The following OXR1 variants were observed in gnomAD, a reference collection of about 807,000 sequenced individuals.
OXR1 encodes oxidation resistance protein 1.
In OXR1, 41 loss-of-function variants were observed where a neutral mutation model predicts 104.6. That is an observed-to-expected ratio of 0.39 (90% CI 0.31 to 0.51). OXR1 has a LOEUF of 0.51. Among genes scored for constraint, OXR1 ranks in the 20% least tolerant of loss-of-function variants. The pLI is 0.77. For synonymous variants in OXR1, 348 were observed against 348.4 expected (o/e 1.00, Z 0.01); for missense variants, 955 against 1,031.9 (o/e 0.93, Z 1.02).
chr8:106,315,303 A>G (rs960476488), intron 1 of OXR1, among the ~76,000 whole-genome samples: 2 of 152,166 alleles, frequency 1.3e-5, no homozygotes, highest in African/African-American at 2.4e-5. Context: ...AACACATAGG[A>G]CAAGGCACAA....
At chr8:106,698,312 C>G (rs1341815995) in intron 7 of OXR1, among the ~76,000 whole-genome samples, 2 of 152,088 alleles carry the variant, frequency 1.3e-5, no homozygotes, top group Admixed American at 1.3e-4. Flanking sequence ...TCTTTGGTTG[C>G]ACTTAAGATG....
chr8:106,324,532 G>T (rs1440843297), intron 1 of OXR1, among the ~76,000 whole-genome samples: 20 of 141,796 alleles, frequency 1.4e-4, no homozygotes, highest in African/African-American at 5.5e-4. Flanking sequence ...AGGAAAGGAG[G>T]TTCTATACAA....
intron 6 of OXR1, among the ~76,000 whole-genome samples, chr8:106,691,273 A>C (rs1829247803): frequency 6.6e-6 from 1 of 152,008 alleles, no homozygotes; most frequent in South Asian, 2.1e-4. Context: ...GCAAGCCATC[A>C]AATGAGCTGC....
chr8:106,473,896 T>C (rs1821656237), intron 2 of OXR1, among the ~76,000 whole-genome samples: 1 of 149,340 alleles, frequency 6.7e-6, no homozygotes, highest in Admixed American at 6.7e-5. Flanking sequence ...CCCTTATCAA[T>C]GGAAGGCAGA....
At chr8:106,529,538 A>T (rs776285851) in intron 3 of OXR1, among the ~76,000 whole-genome samples, 2 of 152,216 alleles carry the variant, frequency 1.3e-5, no homozygotes, top group Non-Finnish European at 2.9e-5. Context: ...TGATATTCCT[A>T]TAAATTTGTA....
chr8:106,486,755 T>C (rs887704770), intron 2 of OXR1, among the ~76,000 whole-genome samples: 5 of 152,112 alleles, frequency 3.3e-5, no homozygotes, highest in African/African-American at 1.2e-4. Flanking sequence ...TTTCGTCTTG[T>C]CATTTGTTAT....
At chr8:106,590,487 C>G (rs1453396295) in intron 3 of OXR1, among the ~76,000 whole-genome samples, 1 of 152,186 alleles carries the variant, frequency 6.6e-6, no homozygotes, top group East Asian at 1.9e-4. Flanking sequence ...AGGGTTTCAC[C>G]ATGTTGGCCA....
At chr8:106,480,821 A>T (rs576363398) in intron 2 of OXR1, among the ~76,000 whole-genome samples, 10 of 152,114 alleles carry the variant, frequency 6.6e-5, no homozygotes, top group Middle Eastern at 3.4e-3. Flanking sequence ...GTTTGTGTGG[A>T]TCAAATTATT....
chr8:106,323,169 G>A (rs1327033126), intron 1 of OXR1, among the ~76,000 whole-genome samples: 3 of 152,286 alleles, frequency 2.0e-5, no homozygotes, highest in East Asian at 3.9e-4. Flanking sequence ...AAAACAGCGT[G>A]GTAGTGGTAC....
At chr8:106,590,705 C>T (rs1252329814) in intron 3 of OXR1, among the ~76,000 whole-genome samples, 1 of 152,218 alleles carries the variant, frequency 6.6e-6, no homozygotes, top group Admixed American at 6.5e-5. Context: ...TTGTACCAGC[C>T]TCTTCTTTCC....
intron 11 of OXR1, among the ~76,000 whole-genome samples, chr8:106,723,361 G>T (rs561467162): frequency 2.6e-5 from 4 of 151,970 alleles, no homozygotes; most frequent in African/African-American, 9.7e-5. Flanking sequence ...AGCCAGGTGT[G>T]GTGGTGGATG....
intron 1 of OXR1, among the ~76,000 whole-genome samples, chr8:106,358,879 A>G (rs34501182): frequency 0.28 from 37,480 of 132,640 alleles, 5,624 homozygotes; most frequent in South Asian, 0.36. Context: ...AATTTAGTGA[A>G]TAATTTAATT....
intron 3 of OXR1, among the ~76,000 whole-genome samples, chr8:106,615,864 A>G (rs756063070): frequency 6.6e-6 from 1 of 152,162 alleles, no homozygotes; most frequent in African/African-American, 2.4e-5. Flanking sequence ...TGTGCATAAC[A>G]TGAGAATATT....
chr8:106,346,992 G>A (rs551791237), intron 1 of OXR1, among the ~76,000 whole-genome samples: 2 of 152,320 alleles, frequency 1.3e-5, no homozygotes, highest in African/African-American at 4.8e-5. Flanking sequence ...GCAGTGAGCC[G>A]AGATCGCGCC....
At chr8:106,464,434 C>T (rs1586674708) in intron 2 of OXR1, among the ~76,000 whole-genome samples, 5 of 152,028 alleles carry the variant, frequency 3.3e-5, no homozygotes, top group Middle Eastern at 3.4e-3. Context: ...TTATTGCCCC[C>T]GTGACAATTT....
chr8:106,536,609 T>G (rs971621292), intron 3 of OXR1, among the ~76,000 whole-genome samples: 1 of 152,144 alleles, frequency 6.6e-6, no homozygotes, highest in African/African-American at 2.4e-5. Context: ...TCGCCAGCCA[T>G]TTTATTTTTT....
chr8:106,330,573 G>C (rs16874404), intron 1 of OXR1, among the ~76,000 whole-genome samples: 3,677 of 152,278 alleles, frequency 0.024, 53 homozygotes, highest in South Asian at 0.095. Context: ...TCTTGAAATT[G>C]TAGAAGCTTC....
At chr8:106,560,053 C>T (rs1453214) in intron 3 of OXR1, among the ~76,000 whole-genome samples, 107,164 of 151,590 alleles carry the variant, frequency 0.71, 37,987 homozygotes, top group South Asian at 0.8. Context: ...CAAAAGACAT[C>T]ATGGGTTAAA....
intron 1 of OXR1, among the ~76,000 whole-genome samples, chr8:106,318,192 T>G (rs991655716): frequency 6.6e-6 from 1 of 152,288 alleles, no homozygotes; most frequent in Non-Finnish European, 1.5e-5. Flanking sequence ...GTTATTTGAG[T>G]GTAAACACGT....
Sources: gnomAD v4.1 joint callset for allele counts (sites outside exome capture counted in the v4.1 genomes callset) on GRCh38, gnomAD v4.1.1 for gene constraint, MANE v1.5 for transcripts, NCBI Gene and HGNC (gene_info 2026-07-23, HGNC 2026-07-21) for gene names.